NBEA: variants seen among roughly 807,000 people sequenced by gnomAD.
NBEA encodes the protein lysosomal-trafficking regulator 2.
A neutral mutation model predicts 343.4 loss-of-function variants in NBEA; 44 were observed. The ratio of observed to expected loss-of-function variants is 0.13; its 90% CI spans 0.10 to 0.16. The LOEUF is 0.16. Among genes scored for constraint, NBEA ranks in the 10% least tolerant of loss-of-function variants. The pLI is 1.00. For synonymous variants in NBEA, 1,175 were observed against 1,238.7 expected, an observed-to-expected ratio of 0.95 and a Z score of 1.08; for missense variants, 2,555 against 3,631.3, an observed-to-expected ratio of 0.70 and a Z score of 7.62.
At chr13:35,349,268 T>C (rs1221733299) in intron 37 of NBEA, 52 bp downstream of exon 37, 3 of 1,051,746 alleles carry the variant, frequency 2.9e-6, no homozygotes, top group East Asian at 5.0e-5. Flanking sequence ...AAGCCAAAAA[T>C]CACCTATCTG....
At chr13:35,374,539 G>A (rs939651096) in intron 38 of NBEA, among the ~76,000 whole-genome samples, 4 of 152,116 alleles carry the variant, frequency 2.6e-5, no homozygotes, top group African/African-American at 9.7e-5. Context: ...GTATAATAAA[G>A]CTAAGTGCAG....
At chr13:35,552,661 T>G (rs759314737) in intron 43 of NBEA, among the ~76,000 whole-genome samples, 3 of 152,158 alleles carry the variant, frequency 2.0e-5, no homozygotes, top group South Asian at 2.1e-4. Context: ...CTTTTTCCTA[T>G]TTAAGAATAA....
chr13:35,249,521 C>G (rs1322538946), intron 34 of NBEA, among the ~76,000 whole-genome samples: 1 of 152,014 alleles, frequency 6.6e-6, no homozygotes, highest in African/African-American at 2.4e-5. Context: ...CCATTAAGCA[C>G]AAGAAGAAAC....
At chr13:35,216,279 C>T (rs991066055) in intron 33 of NBEA, among the ~76,000 whole-genome samples, 1 of 151,686 alleles carries the variant, frequency 6.6e-6, no homozygotes, top group Non-Finnish European at 1.5e-5. Flanking sequence ...TGTCTATAAA[C>T]TGTGGACCAT....
chr13:35,120,559 G>T (rs2066740289), intron 16 of NBEA, among the ~76,000 whole-genome samples: 1 of 152,158 alleles, frequency 6.6e-6, no homozygotes, highest in African/African-American at 2.4e-5. Context: ...TGTATATGAA[G>T]TATTTTGGGA....
chr13:35,029,214 A>G (rs932837884), intron 1 of NBEA, among the ~76,000 whole-genome samples: 3 of 151,310 alleles, frequency 2.0e-5, no homozygotes. Flanking sequence ...ATGTGTTTAT[A>G]TAATGATATA....
At chr13:35,154,086 G>A (rs1016823665) in intron 18 of NBEA, among the ~76,000 whole-genome samples, 1 of 152,170 alleles carries the variant, frequency 6.6e-6, no homozygotes, top group Admixed American at 6.5e-5. Flanking sequence ...TTCATCAGAG[G>A]TATGAGAATG....
rs927092464 is a variant in NBEA, at chr13:35,481,723, A to G, written c.6585+9187A>G. 5.9e-5 allele frequency among the ~76,000 whole-genome samples: 9 copies of G among 151,936 alleles called. No homozygotes were observed. The East Asian group carries it at 1.7e-3, about 29-fold the overall frequency. On this transcript the variant is annotated intron_variant, in intron 41 of 58. Transcript: ENST00000379939. ...TGTGATATTATAGAAATATTCAGAC[A>G]GGATAAATGGGCTCACATGATTCTT...
At chr13:35,146,961 A>G (rs1435196384) in intron 18 of NBEA, among the ~76,000 whole-genome samples, 1 of 152,150 alleles carries the variant, frequency 6.6e-6, no homozygotes, top group Non-Finnish European at 1.5e-5. Context: ...AAGTTTGGCA[A>G]GCATCAGTAT....
chr13:35,630,153 C>T (rs1201580287), intron 49 of NBEA, among the ~76,000 whole-genome samples: 2 of 152,032 alleles, frequency 1.3e-5, no homozygotes, highest in Admixed American at 1.3e-4. Context: ...AGAAAAATAG[C>T]AGGTTTGTCC....
intron 27 of NBEA, among the ~76,000 whole-genome samples, chr13:35,174,878 C>T (rs1022220723): frequency 2.4e-4 from 37 of 151,522 alleles, no homozygotes; most frequent in African/African-American, 7.3e-4. Flanking sequence ...CTGCAACCTC[C>T]GCCTCCTGGA....
chr13:35,262,903 C>G (rs2033332512), intron 34 of NBEA, among the ~76,000 whole-genome samples: 1 of 152,182 alleles, frequency 6.6e-6, no homozygotes, highest in Admixed American at 6.6e-5. Context: ...CTACCCAAAG[C>G]AATTTATAGA....
At chr13:35,570,584 A>G (rs545415678) in intron 45 of NBEA, among the ~76,000 whole-genome samples, 22 of 152,268 alleles carry the variant, frequency 1.4e-4, no homozygotes, top group African/African-American at 5.3e-4. Flanking sequence ...CAATTTTACT[A>G]TATTCTATGC....
intron 1 of NBEA, among the ~76,000 whole-genome samples, chr13:35,019,640 G>A (rs566810564): frequency 6.6e-6 from 1 of 152,132 alleles, no homozygotes; most frequent in East Asian, 1.9e-4. Context: ...ATCCAGATCT[G>A]GGGTTTTGTT....
chr13:35,595,967 G>C (rs902547407), intron 47 of NBEA, among the ~76,000 whole-genome samples: 2 of 151,950 alleles, frequency 1.3e-5, no homozygotes, highest in Non-Finnish European at 2.9e-5. Context: ...TCATTTTTCA[G>C]TTGGGTCACA....
At chr13:35,300,930 TTGGACTTCTCAACTAAATA>T (rs1392202867) in intron 35 of NBEA, among the ~76,000 whole-genome samples, 5 of 152,166 alleles carry the variant, frequency 3.3e-5, no homozygotes, top group African/African-American at 1.2e-4. Context: ...TGTAAAGGGA[TTGGACTTCTCAACTAAATA>T]TGGTAAAAAA....
intron 39 of NBEA, among the ~76,000 whole-genome samples, chr13:35,432,829 A>G (rs2045207786): frequency 6.6e-6 from 1 of 151,884 alleles, no homozygotes; most frequent in South Asian, 2.1e-4. Flanking sequence ...ATACATATAC[A>G]CATGTAATAT....
chr13:35,377,988 A>C (rs1259515586), intron 38 of NBEA, among the ~76,000 whole-genome samples: 1 of 152,230 alleles, frequency 6.6e-6, no homozygotes, highest in African/African-American at 2.4e-5. Flanking sequence ...CAGCAGCTCA[A>C]AATAGAGCCC....
chr13:35,101,342 C>T (rs1328348195), intron 11 of NBEA, among the ~76,000 whole-genome samples: 1 of 151,904 alleles, frequency 6.6e-6, no homozygotes, highest in Non-Finnish European at 1.5e-5. Flanking sequence ...TCCTTACCAA[C>T]TCTTGTTTTG....
Sources: gnomAD v4.1 joint callset for allele counts (sites outside exome capture counted in the v4.1 genomes callset) on GRCh38, gnomAD v4.1.1 for gene constraint, MANE v1.5 for transcripts, NCBI Gene and HGNC (gene_info 2026-07-23, HGNC 2026-07-21) for gene names.